The following PCDH9 variants were observed in gnomAD, a reference collection of about 807,000 sequenced individuals.
PCDH9 encodes the protein protocadherin-9.
PCDH9 carries 24 observed loss-of-function variants against 70.6 expected under a neutral mutation model. The observed-to-expected ratio is 0.34, with a 90% CI of 0.25 to 0.48. The LOEUF is 0.48. Ranked by LOEUF, PCDH9 falls within the 20% of genes least tolerant of loss-of-function variation. The pLI, the probability that PCDH9 is intolerant of heterozygous loss-of-function variation, is 0.99. For missense variants in PCDH9, 1,281 were observed against 1,503.6 expected, an observed-to-expected ratio of 0.85 and a Z score of 2.45; for synonymous variants, 562 against 558.5, an observed-to-expected ratio of 1.01 and a Z score of -0.09.
intron 4 of PCDH9, among the ~76,000 whole-genome samples, chr13:66,593,600 T>A (rs185099571): frequency 1.3e-3 from 199 of 151,870 alleles, no homozygotes; most frequent in African/African-American, 4.6e-3. Context: ...AGAAAAATTT[T>A]TGACAATGGT....
chr13:67,188,014 A>G (rs2088805242), intron 2 of PCDH9, among the ~76,000 whole-genome samples: 1 of 152,122 alleles, frequency 6.6e-6, no homozygotes, highest in African/African-American at 2.4e-5. Context: ...GGTACCGAAC[A>G]CTAGATCTCA....
chr13:66,724,085 G>A (rs1330608835), intron 3 of PCDH9, among the ~76,000 whole-genome samples: 2 of 152,314 alleles, frequency 1.3e-5, no homozygotes, highest in East Asian at 3.9e-4. Context: ...ATCAAGTTGA[G>A]TGCGACCAGG....
intron 4 of PCDH9, among the ~76,000 whole-genome samples, chr13:66,569,663 G>A (rs2076704918): frequency 6.6e-6 from 1 of 152,090 alleles, no homozygotes; most frequent in African/African-American, 2.4e-5. Context: ...TTTATTGGTT[G>A]AGGGTGTTTC....
At chr13:66,756,756 C>G (rs781588278) in intron 3 of PCDH9, among the ~76,000 whole-genome samples, 35 of 152,108 alleles carry the variant, frequency 2.3e-4, no homozygotes, top group Non-Finnish European at 4.9e-4. Context: ...GGAATTGTAG[C>G]TGGGGATTGC....
chr13:67,131,582 T>A (rs2087112681), intron 2 of PCDH9, among the ~76,000 whole-genome samples: 1 of 152,118 alleles, frequency 6.6e-6, no homozygotes, highest in Non-Finnish European at 1.5e-5. Context: ...AATAGCATAA[T>A]CAGCATGATG....
Position 67,137,167 on chromosome 13 carries a change from T to C in PCDH9, c.3036+88238A>G, listed in dbSNP as rs540408456. ...ATCTATATTTATTTATCCTGCAGTG[T>C]TGCTGTGTAGCAATGTGAGAAGCTG... is the stretch of plus-strand genomic sequence containing the variant. On this transcript the variant is annotated intron_variant, in intron 2 of 4. Coordinates refer to ENST00000377865, the MANE Select transcript of PCDH9 (RefSeq NM_203487.3). Among the ~76,000 whole-genome samples, 8 of 152,206 alleles carry C rather than the reference T, an allele frequency of 5.3e-5. 1 individual carries two copies. The South Asian group carries it at 1.5e-3, about 28-fold the overall frequency.
intron 3 of PCDH9, among the ~76,000 whole-genome samples, chr13:66,715,399 T>C (rs968661115): frequency 6.6e-6 from 1 of 152,136 alleles, no homozygotes; most frequent in African/African-American, 2.4e-5. Context: ...TTCCAAAATA[T>C]ATGACTTAAA....
At chr13:66,887,420 T>A (rs1335604967) in intron 3 of PCDH9, among the ~76,000 whole-genome samples, 1 of 151,920 alleles carries the variant, frequency 6.6e-6, no homozygotes, top group East Asian at 1.9e-4. Flanking sequence ...ACAGCAGAGA[T>A]TTTTTTTAAC....
At chr13:66,504,328 C>T (rs1257649165) in intron 4 of PCDH9, among the ~76,000 whole-genome samples, 2 of 151,882 alleles carry the variant, frequency 1.3e-5, no homozygotes, top group African/African-American at 2.4e-5. Flanking sequence ...TTATTCAATC[C>T]TTCTATGGTC....
chr13:66,546,830 T>C (rs149466178), intron 4 of PCDH9, among the ~76,000 whole-genome samples: 1 of 152,328 alleles, frequency 6.6e-6, no homozygotes, highest in African/African-American at 2.4e-5. Flanking sequence ...GTCTTTCCTA[T>C]GTTTCCATAT....
intron 4 of PCDH9, among the ~76,000 whole-genome samples, chr13:66,487,756 C>T (rs908459560): frequency 1.1e-4 from 17 of 152,104 alleles, no homozygotes; most frequent in African/African-American, 4.1e-4. Flanking sequence ...AAAGTTTCCC[C>T]TCACCTCTAT....
At chr13:67,207,427 A>G (rs2089377968) in intron 2 of PCDH9, 1 of 152,212 alleles carries the variant, frequency 6.6e-6, no homozygotes, top group East Asian at 1.9e-4. Context: ...AATACGGACA[A>G]TAATAACAGT....
At chr13:67,215,983 G>A (rs1232905044) in intron 2 of PCDH9, 1 of 152,058 alleles carries the variant, frequency 6.6e-6, no homozygotes, top group African/African-American at 2.4e-5. Flanking sequence ...TGCCATTTGA[G>A]ACCAAAAGAT....
At chr13:67,199,799 C>T (rs1386161753) in intron 2 of PCDH9, among the ~76,000 whole-genome samples, 2 of 152,042 alleles carry the variant, frequency 1.3e-5, no homozygotes, top group Non-Finnish European at 2.9e-5. Flanking sequence ...CTTCACATTT[C>T]ACTACTTCAT....
chr13:66,882,838 A>T (rs1315670791), intron 3 of PCDH9, among the ~76,000 whole-genome samples: 1 of 152,186 alleles, frequency 6.6e-6, no homozygotes, highest in Admixed American at 6.5e-5. Flanking sequence ...ACCTCAGTGC[A>T]TAAGGTCTAT....
Position 67,226,757 on chromosome 13 carries a change from C to T in PCDH9, c.1684G>A (p.Val562Ile). The change falls in exon 2 of 5, where the codon GTT (valine) becomes ATT (isoleucine). Residue 562 changes from valine to isoleucine, a missense_variant. Val to Ile is a conservative substitution (Grantham distance 29, BLOSUM62 3). Transcript: ENST00000377865. The surrounding 1 kb of genome is among the most constrained non-coding windows in gnomAD (Gnocchi z 5.0). ...LQSQAAVIVTVLDENDNSPKF... is the reference protein window; with the variant it reads ...LQSQAAVIVTILDENDNSPKF... ...GGGCTATTGTCATTCTCATCCAGAA[C>T]AGTAACAATCACAGCCGCTTGGCTT... is the stretch of plus-strand genomic sequence containing the variant. The T allele has an allele frequency of 6.2e-7, 1 of 1,614,156 alleles. No homozygotes were observed. The highest frequency in any genetic ancestry group is 8.5e-7 in the Non-Finnish European group (1 of 1,180,000).
intron 4 of PCDH9, among the ~76,000 whole-genome samples, chr13:66,443,287 G>A (rs562060242): frequency 1.3e-5 from 2 of 152,254 alleles, no homozygotes; most frequent in African/African-American, 4.8e-5. Context: ...TATTGATGAT[G>A]GGATTTATAT....
In PCDH9 at chr13:66,304,621, T is replaced by G. The variant is rs1426404993; in HGVS notation, c.*34A>C. 1 of 1,567,870 alleles carries G rather than the reference T, an allele frequency of 6.4e-7. No homozygotes were observed. The highest frequency in any genetic ancestry group is 2.2e-5 in the East Asian group (1 of 44,598). ...CTGACGCACACGGTATTAGCATGTCTATTTAAAGTTATTAGGTCCCATATA... is the reference window on the plus strand; with the variant it reads ...CTGACGCACACGGTATTAGCATGTCGATTTAAAGTTATTAGGTCCCATATA... On this transcript the variant is annotated 3_prime_UTR_variant, in exon 5 of 5. Coordinates refer to ENST00000377865, the MANE Select transcript of PCDH9 (RefSeq NM_203487.3).
chr13:66,563,494 C>T (rs1453309793), intron 4 of PCDH9, among the ~76,000 whole-genome samples: 1 of 152,092 alleles, frequency 6.6e-6, no homozygotes, highest in African/African-American at 2.4e-5. Context: ...ATGTCTTTTC[C>T]CTGCTTTAAA....
Sources: gnomAD v4.1 joint callset for allele counts (sites outside exome capture counted in the v4.1 genomes callset) on GRCh38, gnomAD v4.1.1 for gene constraint, Gnocchi (gnomAD v3.1) non-coding constraint, MANE v1.5 for transcripts, NCBI Gene and HGNC (gene_info 2026-07-23, HGNC 2026-07-21) for gene names.